HEPH: variants seen among roughly 807,000 people sequenced by gnomAD.
The protein encoded by HEPH is hephaestin.
In HEPH, 69 loss-of-function variants were observed where a neutral mutation model predicts 80.8. The ratio of observed to expected loss-of-function variants is 0.85; its 90% CI spans 0.70 to 1.04. The LOEUF (loss-of-function observed/expected upper bound fraction) is 1.04, where lower values mean the gene tolerates loss of function less well. Among genes scored for constraint, HEPH ranks in the 50% least tolerant of loss-of-function variants. The pLI, the probability that HEPH is intolerant of heterozygous loss-of-function variation, is 0.00. For missense variants in HEPH, 1,115 were observed against 891.3 expected (o/e 1.25, Z -3.20); for synonymous variants, 431 against 322.8 (o/e 1.34, Z -3.60).
At chrX:66,258,436 G>T (rs1483605598) in intron 17 of HEPH, among the ~76,000 whole-genome samples, 1 of 111,596 alleles carries the variant, frequency 9.0e-6, no homozygotes, top group Non-Finnish European at 1.9e-5. Context: ...GAACATGCAT[G>T]GACCATTTGA....
intron 15 of HEPH, among the ~76,000 whole-genome samples, chrX:66,214,039 G>T (rs2089278367): frequency 1.8e-5 from 2 of 112,213 alleles, no homozygotes; most frequent in Non-Finnish European, 3.8e-5. Flanking sequence ...CCTTCCATGT[G>T]GTAAGTTGAC....
chrX:66,266,211 G>A (rs1348478217), intron 20 of HEPH, among the ~76,000 whole-genome samples: 8 of 110,627 alleles, frequency 7.2e-5, no homozygotes, highest in African/African-American at 2.6e-4. Context: ...CTCTTTCCAT[G>A]AATGGACTGG....
At chrX:66,196,483 TATACTAGAAATATCCTTCC>T (rs1013062999) in intron 9 of HEPH, among the ~76,000 whole-genome samples, 1 of 112,359 alleles carries the variant, frequency 8.9e-6, no homozygotes. Context: ...TGTTATAAGC[TATACTAGAAATATCCTTCC>T]ATATGTTTCT....
intron 15 of HEPH, among the ~76,000 whole-genome samples, chrX:66,227,014 A>C (rs766836333): frequency 8.9e-6 from 1 of 111,957 alleles, no homozygotes; most frequent in South Asian, 3.7e-4. Flanking sequence ...TCCCTGATGA[A>C]CATAGATGCA....
At chrX:66,196,274 CTGT>C (rs2088088664) in intron 9 of HEPH, among the ~76,000 whole-genome samples, 1 of 111,149 alleles carries the variant, frequency 9.0e-6, no homozygotes, top group Non-Finnish European at 1.9e-5. Flanking sequence ...CAAACAAAAA[CTGT>C]ATGTATGTGT....
intron 17 of HEPH, among the ~76,000 whole-genome samples, 161 bp from the exon 18 acceptor site, chrX:66,258,679 C>T (rs756409283): frequency 1.3e-4 from 14 of 111,431 alleles, no homozygotes; most frequent in Non-Finnish European, 2.5e-4. Context: ...TAAGAAGATA[C>T]CTTGAAGAGG....
At chrX:66,197,290 A>G (rs2088156670) in intron 9 of HEPH, among the ~76,000 whole-genome samples, 1 of 111,023 alleles carries the variant, frequency 9.0e-6, no homozygotes, top group Non-Finnish European at 1.9e-5. Flanking sequence ...CAAAGATGAC[A>G]TGGACTATAA....
chrX:66,190,430 A>C (rs1267137065), intron 6 of HEPH, among the ~76,000 whole-genome samples: 2 of 111,546 alleles, frequency 1.8e-5, no homozygotes, highest in Admixed American at 1.9e-4. Flanking sequence ...ATGTCATTGC[A>C]GAGCAATGTA....
intron 15 of HEPH, among the ~76,000 whole-genome samples, chrX:66,237,090 A>AT (rs1347491546): frequency 5.0e-4 from 54 of 107,807 alleles, no homozygotes; most frequent in African/African-American, 1.1e-3. Context: ...AATCTTTTGA[A>AT]TTTTTTTTTG....
At chrX:66,251,840 G>C (rs750862464) in intron 15 of HEPH, among the ~76,000 whole-genome samples, 1 of 112,138 alleles carries the variant, frequency 8.9e-6, no homozygotes, top group Non-Finnish European at 1.9e-5. Flanking sequence ...TAGATATAAA[G>C]AATGATAAGT....
intron 1 of HEPH, chrX:66,170,348 G>A (rs41310633): frequency 1.1e-5 from 4 of 368,087 alleles, no homozygotes; most frequent in Non-Finnish European, 1.9e-5. Context: ...TTAGCAGCAC[G>A]GGTGACTTTT....
Position 66,170,729 on chromosome X carries a change from C to T in HEPH, c.159C>T (p.Asp53=), listed in dbSNP as rs1463183968. 4.1e-6 allele frequency: 5 copies of T among 1,205,547 alleles called. No homozygotes were observed. The highest frequency in any genetic ancestry group is 4.5e-6 in the Non-Finnish European group (4 of 892,318). The change falls in exon 2 of 21, where the codon GAC becomes GAT. Residue 53 remains aspartate, a synonymous_variant. Transcript: ENST00000343002. ...ATGTCATCACGAACCAGCCTCTGGA[C>T]AGTGACATGTAGGTTTAATTTCTTG... ...GRNVITNQPL[D]SDIVASSFLK... is the part of the protein sequence containing the mutation.
At chrX:66,261,534 C>T (rs1262184705) in intron 19 of HEPH, among the ~76,000 whole-genome samples, 2 of 62,089 alleles carry the variant, frequency 3.2e-5, no homozygotes, top group Non-Finnish European at 6.5e-5. Flanking sequence ...CAAATCAAGG[C>T]TGTGTTTTTT....
chrX:66,200,056 A>G, intron 11 of HEPH, among the ~76,000 whole-genome samples: 1 of 109,757 alleles, frequency 9.1e-6, no homozygotes, highest in East Asian at 2.9e-4. Context: ...AGCAGTGAAG[A>G]TGAAGAGGAG....
At chrX:66,190,273 T>C (rs952838443) in intron 6 of HEPH, among the ~76,000 whole-genome samples, 5 of 110,840 alleles carry the variant, frequency 4.5e-5, no homozygotes, top group African/African-American at 6.6e-5. Context: ...TTTCAACATA[T>C]TGAACAGGGA....
chrX:66,267,482 T>A (rs769677337), downstream of HEPH: 7 of 111,955 alleles, frequency 6.3e-5, no homozygotes, highest in Non-Finnish European at 1.3e-4. Context: ...ATAGTATGTA[T>A]TTGTCTAGCC....
At chrX:66,247,281 T>A (rs1274542468) in intron 15 of HEPH, among the ~76,000 whole-genome samples, 1 of 108,837 alleles carries the variant, frequency 9.2e-6, no homozygotes, top group Non-Finnish European at 1.9e-5. Context: ...TCCTCCTTCT[T>A]TGACTTCCAT....
intron 15 of HEPH, among the ~76,000 whole-genome samples, chrX:66,225,131 T>C (rs2089824284): frequency 9.0e-6 from 1 of 111,490 alleles, no homozygotes; most frequent in South Asian, 3.8e-4. Flanking sequence ...TGTCCAGGCT[T>C]CCTTCTGATG....
Position 66,260,280 on chromosome X carries a change from C to A in HEPH, c.3199+18C>A. On this transcript the variant is annotated intron_variant, in intron 19 of 20. Coordinates refer to ENST00000343002, the MANE Select transcript of HEPH (RefSeq NM_001367233.3). ...TCGAACAGGTAAGTCCTAACTTCCC[C>A]AAAATGATCATCTTCTAACACTTTA... The A allele has an allele frequency of 3.4e-6, 4 of 1,170,880 alleles. No homozygotes were observed. Among genetic ancestry groups the A allele is most frequent in the Non-Finnish European group, 4.6e-6 (4 of 861,060 alleles).
Sources: allele counts gnomAD v4.1 joint callset (sites outside exome capture counted in the v4.1 genomes callset), GRCh38; gene constraint gnomAD v4.1.1; transcripts MANE v1.5; gene names NCBI Gene and HGNC (gene_info 2026-07-23, HGNC 2026-07-21).